Variants in ZEB1 observed in about 807,000 individuals in gnomAD.
ZEB1 encodes zinc finger E-box binding homeobox 1.
A neutral mutation model predicts 84.9 loss-of-function variants in ZEB1; 21 were observed. The ratio of observed to expected loss-of-function variants is 0.25; its 90% CI spans 0.18 to 0.36. The LOEUF is 0.36. ZEB1 is among the 10% of genes least tolerant of loss of function. The probability of loss-of-function intolerance (pLI) is 1.00; values close to 1 mark genes in which losing one functional copy is unlikely to be tolerated. For missense variants in ZEB1, 1,104 were observed against 1,330.2 expected (o/e 0.83, Z 2.65); for synonymous variants, 420 against 471.1 (o/e 0.89, Z 1.41).
At chr10:31,438,260 T>G (rs761915034) in intron 1 of ZEB1, among the ~76,000 whole-genome samples, 1 of 152,212 alleles carries the variant, frequency 6.6e-6, no homozygotes, top group African/African-American at 2.4e-5. Context: ...TTATATAATG[T>G]TATGTAGCCA....
chr10:31,521,440 C>T lies in ZEB1; in HGVS notation c.2108C>T (p.Thr703Ile). ...GSTTNGSRSS[T>I]PSPSPLNLSS... is the part of the protein sequence containing the mutation. ...ACCACCAATGGTTCCAGAAGTAGTA[C>T]ACCATCCCCATCACCTCTAAACCTT... is the stretch of plus-strand genomic sequence containing the variant. Residue 703 changes from threonine (T) to isoleucine (I), a missense_variant, in exon 7 of 9, where the codon ACA becomes ATA. Thr to Ile is a moderately conservative substitution (Grantham distance 89). This residue lies in a region of ZEB1 where 531 missense variants were observed against 575.2 expected (regional missense o/e 0.92). Coordinates refer to ENST00000424869, the MANE Select transcript of ZEB1 (RefSeq NM_001174096.2). The T allele has an allele frequency of 1.2e-6, 2 of 1,614,086 alleles. No individual in the cohort carries two copies.
intron 1 of ZEB1, among the ~76,000 whole-genome samples, chr10:31,449,091 C>G (rs1200708190): frequency 6.6e-6 from 1 of 152,238 alleles, no homozygotes; most frequent in Non-Finnish European, 1.5e-5. Context: ...ACCCTCTGAG[C>G]CAGGTGTGGG....
intron 1 of ZEB1, among the ~76,000 whole-genome samples, chr10:31,362,175 G>A (rs1404472141): frequency 1.3e-5 from 2 of 151,630 alleles, no homozygotes; most frequent in African/African-American, 4.9e-5. Flanking sequence ...GCTGGGCAGA[G>A]GCGCTTCTCA....
intron 6 of ZEB1, among the ~76,000 whole-genome samples, chr10:31,516,024 C>T (rs2071037499): frequency 6.6e-6 from 1 of 151,958 alleles, no homozygotes; most frequent in Non-Finnish European, 1.5e-5. Context: ...TGTCATATTG[C>T]AGTCATGGAA....
In ZEB1 at chr10:31,410,863, A is replaced by G. The variant is rs561594543; in HGVS notation, c.59-50174A>G. Among the ~76,000 whole-genome samples, 113 of 152,134 alleles carry G rather than the reference A, an allele frequency of 7.4e-4. 4 individuals carry two copies. In the South Asian group the frequency reaches 0.022, roughly 30 times the overall value. On this transcript the variant is annotated intron_variant, in intron 1 of 8. Coordinates refer to ENST00000424869, the MANE Select transcript of ZEB1 (RefSeq NM_001174096.2). The stretch of plus-strand genomic sequence containing the variant: ...GATCAGTGGTGATATCCCCTTTATC[A>G]TTTTTTATTGTGTCTGTTTGATTCT...
At chr10:31,369,038 G>GTT (rs930777557) in intron 1 of ZEB1, among the ~76,000 whole-genome samples, 18 of 152,040 alleles carry the variant, frequency 1.2e-4, no homozygotes, top group African/African-American at 4.1e-4. Flanking sequence ...AATCTAAAGT[G>GTT]TTTCAACTAT....
chr10:31,491,490 C>G (rs1234034525), intron 2 of ZEB1, among the ~76,000 whole-genome samples: 1 of 151,848 alleles, frequency 6.6e-6, no homozygotes. Flanking sequence ...TCTCCTAGAG[C>G]CTTCACTGCC....
intron 1 of ZEB1, among the ~76,000 whole-genome samples, chr10:31,352,858 C>G (rs563330435): frequency 6.6e-6 from 1 of 152,302 alleles, no homozygotes; most frequent in African/African-American, 2.4e-5. Flanking sequence ...CCCAGATCAA[C>G]AGGAAGAGAA....
intron 1 of ZEB1, among the ~76,000 whole-genome samples, chr10:31,459,158 A>G (rs2061552836): frequency 6.6e-6 from 1 of 152,160 alleles, no homozygotes; most frequent in Non-Finnish European, 1.5e-5. Context: ...GTGTTGCACC[A>G]TCATAAAGTC....
chr10:31,387,708 T>G (rs2048879012), intron 1 of ZEB1: 7 of 976,338 alleles, frequency 7.2e-6, no homozygotes, highest in Non-Finnish European at 7.3e-6. Context: ...CTGTATCTTA[T>G]CTTTACTTCA....
chr10:31,367,908 C>A (rs1376223894), intron 1 of ZEB1, among the ~76,000 whole-genome samples: 6 of 151,914 alleles, frequency 3.9e-5, no homozygotes, highest in Admixed American at 3.9e-4. Context: ...TAAATAATTA[C>A]ACTTTCTAAA....
chr10:31,339,144 G>A (rs1256639394), intron 1 of ZEB1, among the ~76,000 whole-genome samples: 1 of 152,026 alleles, frequency 6.6e-6, no homozygotes, highest in Non-Finnish European at 1.5e-5. Context: ...AGAAGTTCTT[G>A]AGAGAAGATC....
intron 1 of ZEB1, among the ~76,000 whole-genome samples, chr10:31,352,181 G>A (rs983239216): frequency 4.6e-5 from 7 of 151,908 alleles, no homozygotes; most frequent in African/African-American, 1.5e-4. Context: ...ATAAGACTTA[G>A]TGTTTCACTC....
intron 1 of ZEB1, among the ~76,000 whole-genome samples, chr10:31,381,365 A>G (rs1304341019): frequency 6.6e-6 from 1 of 152,210 alleles, no homozygotes; most frequent in African/African-American, 2.4e-5. Context: ...CAGAATTGCA[A>G]CAAACGATGT....
intron 1 of ZEB1, among the ~76,000 whole-genome samples, chr10:31,445,597 C>A (rs911884811): frequency 3.3e-5 from 5 of 152,084 alleles, no homozygotes; most frequent in Middle Eastern, 6.3e-3. Flanking sequence ...CCCATTAATA[C>A]CTAATTTATT....
At chr10:31,434,477 A>G (rs1370431916) in intron 1 of ZEB1, among the ~76,000 whole-genome samples, 1 of 152,242 alleles carries the variant, frequency 6.6e-6, no homozygotes, top group Non-Finnish European at 1.5e-5. Flanking sequence ...TCATTAAATA[A>G]ACATATATTT....
intron 2 of ZEB1, among the ~76,000 whole-genome samples, chr10:31,484,249 C>T (rs1373767710): frequency 6.6e-6 from 1 of 151,946 alleles, no homozygotes; most frequent in East Asian, 1.9e-4. Context: ...GTAATATAGT[C>T]ACAGGGTCAG....
intron 1 of ZEB1, among the ~76,000 whole-genome samples, chr10:31,340,306 A>T (rs2039103898): frequency 6.6e-6 from 1 of 152,152 alleles, no homozygotes; most frequent in Non-Finnish European, 1.5e-5. Context: ...ACACCTAGGG[A>T]TACATTTTAT....
rs1184970890 is a variant in ZEB1 at position 31,521,492 on chromosome 10, C to T, written c.2160C>T (p.Tyr720=). Residue 720 remains tyrosine, a synonymous_variant, in exon 7 of 9, where the codon TAC becomes TAT. Coordinates refer to ENST00000424869, the MANE Select transcript of ZEB1 (RefSeq NM_001174096.2). ...NLSSSRNTQG[Y]LYTAEGAQEE... ...CCTCATCCAGAAATACACAGGGTTA[C>T]TTGTACACAGCTGAGGGTGCACAAG... is the stretch of plus-strand genomic sequence containing the variant. 6.2e-7 allele frequency: 1 copy of T among 1,614,136 alleles called. No individual in the cohort carries two copies. Among genetic ancestry groups the T allele is most frequent in the Admixed American group, 1.7e-5 (1 of 60,014 alleles).
Sources: gnomAD v4.1 joint callset for allele counts (sites outside exome capture counted in the v4.1 genomes callset) on GRCh38, gnomAD v4.1.1 for gene constraint, gnomAD v4.1.1 regional missense constraint, MANE v1.5 for transcripts, NCBI Gene and HGNC (gene_info 2026-07-23, HGNC 2026-07-21) for gene names.